Variants in GRM3 observed in about 807,000 individuals in gnomAD.
The protein encoded by GRM3 is glutamate metabotropic receptor 3, also known as metabotropic glutamate receptor 3.
In GRM3, 26 loss-of-function variants were observed where a neutral mutation model predicts 70.5. The observed-to-expected ratio is 0.37, with a 90% CI of 0.27 to 0.51. The LOEUF is 0.51. GRM3 is among the 20% of genes least tolerant of loss of function. The pLI, the probability that GRM3 is intolerant of heterozygous loss-of-function variation, is 0.93. For synonymous variants in GRM3, 443 were observed against 434.9 expected (o/e 1.02, Z -0.23); for missense variants, 859 against 1,123.8 (o/e 0.76, Z 3.37).
intron 1 of GRM3, among the ~76,000 whole-genome samples, chr7:86,717,800 C>T (rs2116210675): frequency 6.6e-6 from 1 of 152,030 alleles, no homozygotes; most frequent in South Asian, 2.1e-4. Flanking sequence ...TATTAAAGAA[C>T]AGGTAAATCT....
At chr7:86,687,095 A>C (rs1295938617) in intron 1 of GRM3, among the ~76,000 whole-genome samples, 1 of 152,014 alleles carries the variant, frequency 6.6e-6, no homozygotes, top group Admixed American at 6.6e-5. Flanking sequence ...CTAGGAAAAA[A>C]GTCAGGGAAA....
At chr7:86,795,103 G>GT (rs148457218) in intron 3 of GRM3, among the ~76,000 whole-genome samples, 6,486 of 147,640 alleles carry the variant, frequency 0.044, 319 homozygotes, top group African/African-American at 0.12. Flanking sequence ...TCAAATGTAT[G>GT]TTTTTTTTTT....
At chr7:86,833,002 T>C in intron 3 of GRM3, 3 of 983,898 alleles carry the variant, frequency 3.0e-6, no homozygotes, top group Non-Finnish European at 3.6e-6. Context: ...TCCTGGTTGT[T>C]CTTTTTCTTC....
chr7:86,835,788 T>C (rs1424408322), intron 3 of GRM3, among the ~76,000 whole-genome samples: 1 of 152,094 alleles, frequency 6.6e-6, no homozygotes, highest in African/African-American at 2.4e-5. Context: ...CTTTTTGTAT[T>C]TTTGGTAGAG....
intron 1 of GRM3, among the ~76,000 whole-genome samples, chr7:86,758,930 C>T (rs1796414271): frequency 6.6e-6 from 1 of 152,076 alleles, no homozygotes; most frequent in Non-Finnish European, 1.5e-5. Flanking sequence ...TGGGTGTTTT[C>T]ATTTTATCTA....
chr7:86,784,358 C>T lies in GRM3; in HGVS notation c.469-1903C>T, dbSNP rs191909807. On this transcript the variant is annotated intron_variant, in intron 2 of 5. Coordinates refer to ENST00000361669, the MANE Select transcript of GRM3 (RefSeq NM_000840.3). Reference sequence around the variant, plus strand: ...TTAGGTCCTTTCATTCTCTGTCTCCCTGAGGGGTTCAGGTCCTGATTAATA... The same window carrying T: ...TTAGGTCCTTTCATTCTCTGTCTCCTTGAGGGGTTCAGGTCCTGATTAATA... 40 of 152,202 alleles carry T rather than the reference C, an allele frequency of 2.6e-4. 1 individual carries two copies. Among genetic ancestry groups the T allele is most frequent in the African/African-American group, 8.7e-4 (36 of 41,514 alleles). The allele number at this position is 152,202 out of a possible 1,614,324, so 9.4% of individuals were successfully genotyped here.
At chr7:86,756,567 A>G (rs1405360108) in intron 1 of GRM3, among the ~76,000 whole-genome samples, 1 of 152,146 alleles carries the variant, frequency 6.6e-6, no homozygotes, top group Non-Finnish European at 1.5e-5. Flanking sequence ...CTGATAAGTC[A>G]GCTATCATTA....
intron 1 of GRM3, among the ~76,000 whole-genome samples, chr7:86,729,730 G>GTCCCATAT (rs1795682443): frequency 6.6e-6 from 1 of 152,150 alleles, no homozygotes. Context: ...CAGAAAAAAA[G>GTCCCATAT]TCCCATATTT....
At chr7:86,779,597 A>G (rs984815513) in intron 2 of GRM3, among the ~76,000 whole-genome samples, 11 of 152,244 alleles carry the variant, frequency 7.2e-5, no homozygotes, top group Non-Finnish European at 1.3e-4. Flanking sequence ...TGGAGAACTT[A>G]GTGAATAATC....
intron 1 of GRM3, among the ~76,000 whole-genome samples, chr7:86,675,560 T>C (rs1281081260): frequency 1.3e-5 from 2 of 152,076 alleles, no homozygotes; most frequent in Admixed American, 6.6e-5. Context: ...AGATCTGGAC[T>C]TAACATGTTC....
chr7:86,806,388 C>T (rs977827457), intron 3 of GRM3, among the ~76,000 whole-genome samples: 4 of 152,204 alleles, frequency 2.6e-5, no homozygotes, highest in Non-Finnish European at 4.4e-5. Context: ...GTTCCTATTT[C>T]TCCACATCCT....
At chr7:86,772,422 G>A (rs1352050968) in intron 2 of GRM3, among the ~76,000 whole-genome samples, 3 of 152,074 alleles carry the variant, frequency 2.0e-5, no homozygotes, top group South Asian at 2.1e-4. Context: ...GTTGCAAGGC[G>A]AGCATGTGGG....
intron 3 of GRM3, among the ~76,000 whole-genome samples, chr7:86,827,119 C>A (rs537163792): frequency 1.3e-5 from 2 of 152,126 alleles, no homozygotes; most frequent in Admixed American, 6.5e-5. Context: ...TATTATAGTC[C>A]ATTTCCTTAA....
intron 1 of GRM3, among the ~76,000 whole-genome samples, chr7:86,743,257 T>G (rs1796028081): frequency 6.6e-6 from 1 of 152,190 alleles, no homozygotes; most frequent in African/African-American, 2.4e-5. Context: ...TAATACTCTC[T>G]GATTTAAACT....
At position 86,697,555 on chromosome 7, in the gene GRM3, G is replaced by A. The variant is rs556409644; in HGVS notation, c.-141+52683G>A. 4.6e-5 allele frequency among the ~76,000 whole-genome samples: 7 copies of A among 151,940 alleles called. No individual in the cohort carries two copies. In the South Asian group the frequency reaches 8.3e-4, roughly 18 times the overall value. ...TGAAATTTTTGCTTTTTTTCCCCAC[G>A]TTATCAATTTTCCTAAAAGTGTAAG... is the stretch of plus-strand genomic sequence containing the variant. On this transcript the variant is annotated intron_variant, in intron 1 of 5. Coordinates refer to ENST00000361669, the MANE Select transcript of GRM3 (RefSeq NM_000840.3).
At chr7:86,667,336 T>G (rs1794053278) in intron 1 of GRM3, among the ~76,000 whole-genome samples, 1 of 152,112 alleles carries the variant, frequency 6.6e-6, no homozygotes, top group Non-Finnish European at 1.5e-5. Flanking sequence ...TATAATATTA[T>G]GTATTGATTG....
intron 2 of GRM3, among the ~76,000 whole-genome samples, chr7:86,768,326 G>A (rs1273341058): frequency 1.3e-5 from 2 of 152,176 alleles, no homozygotes; most frequent in Non-Finnish European, 2.9e-5. Flanking sequence ...TGGTGCCCAA[G>A]CAGTCCCATG....
intron 3 of GRM3, among the ~76,000 whole-genome samples, chr7:86,838,143 C>G (rs374647201): frequency 6.6e-6 from 1 of 152,090 alleles, no homozygotes; most frequent in Non-Finnish European, 1.5e-5. Flanking sequence ...AGTCTACTTA[C>G]GTAGATTCTA....
At chr7:86,764,892 G>GT in intron 1 of GRM3, 114 bp from the exon 2 acceptor site, 1 of 559,454 alleles carries the variant, frequency 1.8e-6, no homozygotes, top group East Asian at 3.6e-5. Flanking sequence ...GGTGTACTGT[G>GT]TGTTTAGTAA....
Sources: gnomAD v4.1 joint callset for allele counts (sites outside exome capture counted in the v4.1 genomes callset) on GRCh38, gnomAD v4.1.1 for gene constraint, MANE v1.5 for transcripts, NCBI Gene and HGNC (gene_info 2026-07-23, HGNC 2026-07-21) for gene names.